Variants in SLCO2A1 observed in about 807,000 individuals in gnomAD.
SLCO2A1 encodes solute carrier organic anion transporter family member 2A1.
In SLCO2A1, 60 loss-of-function variants were observed where a neutral mutation model predicts 71.7. The observed-to-expected ratio is 0.84, with a 90% CI of 0.68 to 1.04. SLCO2A1 has a LOEUF of 1.04. Among genes scored for constraint, SLCO2A1 ranks in the 50% least tolerant of loss-of-function variants. The pLI is 0.00. For synonymous variants in SLCO2A1, 308 were observed against 326.7 expected, an observed-to-expected ratio of 0.94 and a Z score of 0.62; for missense variants, 745 against 813.4, an observed-to-expected ratio of 0.92 and a Z score of 1.02.
chr3:133,971,960 A>G (rs1934337495), intron 3 of SLCO2A1, among the ~76,000 whole-genome samples: 1 of 152,234 alleles, frequency 6.6e-6, no homozygotes, highest in South Asian at 2.1e-4. Context: ...AGGGCAAAAA[A>G]GCCCACTGCA....
intron 1 of SLCO2A1, among the ~76,000 whole-genome samples, chr3:133,987,514 A>C (rs985520766): frequency 3.3e-5 from 5 of 151,544 alleles, no homozygotes; most frequent in Non-Finnish European, 5.9e-5. Context: ...TCCTCCCCCC[A>C]CCCCACTTCA....
rs927286654 is a variant in SLCO2A1 at position 133,934,504 on chromosome 3, C to T, written c.*209G>A. The T allele has an allele frequency of 4.2e-6, 2 of 480,328 alleles. No homozygotes were observed. The highest frequency in any genetic ancestry group is 3.9e-5 in the African/African-American group (2 of 50,852). 29.8% of individuals were successfully genotyped at this position (480,328 alleles called of 1,614,324 possible). Reference sequence around the variant, plus strand: ...CCAGGGAAGACTCAGCCCCCCAGTTCTGGCCCACACAGCCCGGGTACACAG... The same window carrying T: ...CCAGGGAAGACTCAGCCCCCCAGTTTTGGCCCACACAGCCCGGGTACACAG... On this transcript the variant is annotated 3_prime_UTR_variant, in exon 14 of 14. Coordinates refer to ENST00000310926, the MANE Select transcript of SLCO2A1 (RefSeq NM_005630.3).
At chr3:133,958,149 G>T (rs754160284) in intron 3 of SLCO2A1, among the ~76,000 whole-genome samples, 3 of 152,182 alleles carry the variant, frequency 2.0e-5, no homozygotes, top group Non-Finnish European at 4.4e-5. Context: ...TGGGTGTGGC[G>T]CTGGCTGACT....
At chr3:133,973,166 T>A (rs1934368833) in intron 3 of SLCO2A1, among the ~76,000 whole-genome samples, 1 of 152,190 alleles carries the variant, frequency 6.6e-6, no homozygotes, top group Admixed American at 6.5e-5. Flanking sequence ...GGTTGTTAAG[T>A]CATACATCAA....
intron 2 of SLCO2A1, among the ~76,000 whole-genome samples, chr3:133,977,681 G>T (rs1054058872): frequency 6.6e-6 from 1 of 152,136 alleles, no homozygotes; most frequent in Non-Finnish European, 1.5e-5. Flanking sequence ...TGCCTGCCAG[G>T]GTCATGAAAC....
intron 2 of SLCO2A1, among the ~76,000 whole-genome samples, chr3:133,974,464 G>A (rs946480337): frequency 5.9e-5 from 9 of 152,232 alleles, no homozygotes; most frequent in African/African-American, 1.4e-4. Context: ...CTTAACTAGA[G>A]TTGTCTGCCA....
At chr3:133,951,035 C>G in intron 6 of SLCO2A1, 173 bp downstream of exon 6, 1 of 829,474 alleles carries the variant, frequency 1.2e-6, no homozygotes, top group Admixed American at 2.0e-5. Flanking sequence ...TTTGGAAATT[C>G]ACCAACACCC....
At chr3:134,028,364 C>T (rs1323068552) in intron 1 of SLCO2A1, among the ~76,000 whole-genome samples, 1 of 152,214 alleles carries the variant, frequency 6.6e-6, no homozygotes, top group Admixed American at 6.5e-5. Flanking sequence ...AATGGTGGAA[C>T]CAAAACTGCG....
At chr3:133,956,048 T>C (rs1933890765) in intron 3 of SLCO2A1, among the ~76,000 whole-genome samples, 1 of 152,162 alleles carries the variant, frequency 6.6e-6, no homozygotes, top group African/African-American at 2.4e-5. Flanking sequence ...GCAATCAGCA[T>C]TGGCAGCTCT....
chr3:133,935,321 A>C (rs1273232504), intron 13 of SLCO2A1, among the ~76,000 whole-genome samples: 1 of 152,046 alleles, frequency 6.6e-6, no homozygotes, highest in Non-Finnish European at 1.5e-5. Context: ...ACCCAATAGC[A>C]CTGCAGCTGG....
chr3:133,953,066 T>G (rs915925751), intron 5 of SLCO2A1, among the ~76,000 whole-genome samples: 1 of 151,886 alleles, frequency 6.6e-6, no homozygotes, highest in Non-Finnish European at 1.5e-5. Flanking sequence ...AGACAGAGTC[T>G]CACTCTGTCG....
chr3:133,966,044 C>T (rs577422970), intron 3 of SLCO2A1, among the ~76,000 whole-genome samples: 2 of 152,342 alleles, frequency 1.3e-5, no homozygotes, highest in South Asian at 2.1e-4. Context: ...CATTCTTGAG[C>T]TTCAGCTCCA....
intron 2 of SLCO2A1, among the ~76,000 whole-genome samples, chr3:133,976,603 C>T (rs1934455648): frequency 6.6e-6 from 1 of 151,962 alleles, no homozygotes; most frequent in Admixed American, 6.5e-5. Flanking sequence ...AACAACCCCC[C>T]AAATGCAGCT....
chr3:133,992,494 T>C (rs1576450403), intron 1 of SLCO2A1, among the ~76,000 whole-genome samples: 1 of 152,248 alleles, frequency 6.6e-6, no homozygotes, highest in Non-Finnish European at 1.5e-5. Context: ...GGCAGGTCCC[T>C]GGCGAGGGCC....
chr3:133,945,366 C>T, intron 9 of SLCO2A1, 106 bp from the exon 10 acceptor site: 1 of 1,154,536 alleles, frequency 8.7e-7, no homozygotes, highest in South Asian at 1.5e-5. Flanking sequence ...GTCTGTGCAT[C>T]TTTATTTCTT....
At chr3:134,001,198 A>G (rs773562515) in intron 1 of SLCO2A1, among the ~76,000 whole-genome samples, 2 of 151,684 alleles carry the variant, frequency 1.3e-5, no homozygotes, top group African/African-American at 2.4e-5. Flanking sequence ...ACTCACTGCA[A>G]CCTCTGCATT....
At chr3:133,967,800 T>A (rs1934217253) in intron 3 of SLCO2A1, among the ~76,000 whole-genome samples, 2 of 104,716 alleles carry the variant, frequency 1.9e-5, no homozygotes, top group African/African-American at 3.9e-5. Flanking sequence ...CATGCTTCCC[T>A]TCACAGGCAC....
intron 1 of SLCO2A1, among the ~76,000 whole-genome samples, chr3:133,988,328 C>A (rs1353402652): frequency 1.3e-5 from 2 of 152,308 alleles, no homozygotes; most frequent in East Asian, 3.9e-4. Context: ...CCAGACTTTC[C>A]TTTCTATTGA....
At chr3:134,027,488 C>G (rs1935721944) in intron 1 of SLCO2A1, among the ~76,000 whole-genome samples, 1 of 152,220 alleles carries the variant, frequency 6.6e-6, no homozygotes, top group Non-Finnish European at 1.5e-5. Flanking sequence ...CAGGTGCACC[C>G]CCTTAGAGTT....
Sources: gnomAD v4.1 joint callset for allele counts (sites outside exome capture counted in the v4.1 genomes callset) on GRCh38, gnomAD v4.1.1 for gene constraint, MANE v1.5 for transcripts, NCBI Gene and HGNC (gene_info 2026-07-23, HGNC 2026-07-21) for gene names.